TNS3: variants seen among roughly 807,000 people sequenced by gnomAD.
TNS3 encodes the protein tensin-3.
In TNS3, 45 loss-of-function variants were observed where a neutral mutation model predicts 140.9. The ratio of observed to expected loss-of-function variants is 0.32; its 90% confidence interval spans 0.25 to 0.41. TNS3 has a LOEUF of 0.41. Ranked by LOEUF, TNS3 falls within the 10% of genes least tolerant of loss-of-function variation. The pLI, the probability that TNS3 is intolerant of heterozygous loss-of-function variation, is 1.00. For synonymous variants in TNS3, 815 were observed against 788.4 expected, an observed-to-expected ratio of 1.03 and a Z score of -0.56; for missense variants, 1,716 against 1,906.7, an observed-to-expected ratio of 0.90 and a Z score of 1.86.
chr7:47,504,161 G>C, intron 3 of TNS3, among the ~76,000 whole-genome samples: 1 of 152,210 alleles, frequency 6.6e-6, no homozygotes, highest in East Asian at 1.9e-4. Flanking sequence ...TGGCCTGAGA[G>C]GACATACTGT....
intron 20 of TNS3, among the ~76,000 whole-genome samples, chr7:47,327,263 GGTTTTT>G (rs917305884): frequency 1.3e-5 from 2 of 152,214 alleles, no homozygotes; most frequent in Non-Finnish European, 2.9e-5. Flanking sequence ...TGAATGCATG[GGTTTTT>G]GTTTTTGTTT....
intron 27 of TNS3, among the ~76,000 whole-genome samples, chr7:47,291,729 C>T (rs1400927814): frequency 6.6e-6 from 1 of 152,176 alleles, no homozygotes; most frequent in Non-Finnish European, 1.5e-5. Context: ...ACATTTATTC[C>T]ACTGAATTTA....
chr7:47,449,485 T>C (rs1414291540), intron 4 of TNS3, among the ~76,000 whole-genome samples: 1 of 152,230 alleles, frequency 6.6e-6, no homozygotes, highest in Non-Finnish European at 1.5e-5. Context: ...CAGCTTTACC[T>C]GGTTAACTCC....
chr7:47,318,302 T>A (rs1352431130), intron 20 of TNS3, among the ~76,000 whole-genome samples: 3 of 152,246 alleles, frequency 2.0e-5, no homozygotes, highest in Non-Finnish European at 2.9e-5. Context: ...ACTGCATGCA[T>A]AGATCACATT....
At chr7:47,410,200 T>C (rs1278026505) in intron 13 of TNS3, among the ~76,000 whole-genome samples, 1 of 152,084 alleles carries the variant, frequency 6.6e-6, no homozygotes, top group Non-Finnish European at 1.5e-5. Context: ...GTCCTCCCTC[T>C]CACTTCCAGC....
At position 47,296,652 on chromosome 7, in the gene TNS3, C is replaced by T. The variant is rs548235651; in HGVS notation, c.3676+430G>A. 3.9e-5 allele frequency among the ~76,000 whole-genome samples: 6 copies of T among 152,212 alleles called. No individual in the cohort carries two copies. In the East Asian group the frequency reaches 1.2e-3, roughly 29 times the overall value. ...AAAAATGCCCTACTGGGTATAGATA[C>T]AAGAATAGTACTCAACAGTATGCTA... On this transcript the variant is annotated intron_variant, in intron 24 of 30. Transcript: ENST00000311160.
chr7:47,368,642 C>A lies in TNS3; in HGVS notation c.2004G>T (p.Arg668Ser), dbSNP rs1790852907. The change falls in exon 17 of 31, where the codon AGG becomes AGT. Residue 668 changes from arginine to serine, a missense_variant. Arg to Ser is a moderately radical substitution (Grantham distance 110). Coordinates refer to ENST00000311160, the MANE Select transcript of TNS3 (RefSeq NM_022748.12). Reference sequence around the variant, plus strand: ...CATTCACAACCTGGTCTCCTGGAAACCTGGGTTTGAACGCTTTGCTGGGAG... The same window carrying A: ...CATTCACAACCTGGTCTCCTGGAAAACTGGGTTTGAACGCTTTGCTGGGAG... Reference protein sequence around the residue: ...QPSPSKAFKPRFPGDQVVNGA... With the variant: ...QPSPSKAFKPSFPGDQVVNGA... 4 of 1,601,196 alleles carry A rather than the reference C, an allele frequency of 2.5e-6. No homozygotes were observed. The East Asian group carries it at 6.7e-5, about 27-fold the overall frequency.
intron 4 of TNS3, among the ~76,000 whole-genome samples, chr7:47,461,174 TG>T (rs1488758171): frequency 1.3e-5 from 2 of 152,202 alleles, no homozygotes; most frequent in Non-Finnish European, 2.9e-5. Context: ...CATTAAGTGT[TG>T]TATGTCAAGA....
chr7:47,467,533 G>C (rs1458456637), intron 4 of TNS3, among the ~76,000 whole-genome samples: 2 of 152,106 alleles, frequency 1.3e-5, no homozygotes, highest in African/African-American at 4.8e-5. Context: ...TGAGGACCAG[G>C]AGCCCATGAA....
At chr7:47,345,843 C>T (rs1168400251) in intron 18 of TNS3, among the ~76,000 whole-genome samples, 3 of 152,218 alleles carry the variant, frequency 2.0e-5, no homozygotes, top group African/African-American at 4.8e-5. Context: ...AGCCCTACCT[C>T]GAACCCACAC....
intron 17 of TNS3, among the ~76,000 whole-genome samples, chr7:47,358,369 C>A (rs1301175118): frequency 6.6e-6 from 1 of 152,172 alleles, no homozygotes; most frequent in Non-Finnish European, 1.5e-5. Flanking sequence ...GAACTCCTGA[C>A]CTCGTGATCC....
At chr7:47,498,334 G>T (rs1195312385) in intron 3 of TNS3, among the ~76,000 whole-genome samples, 1 of 152,222 alleles carries the variant, frequency 6.6e-6, no homozygotes, top group Non-Finnish European at 1.5e-5. Context: ...AGACAGGCCT[G>T]GCCTGAGCCA....
chr7:47,543,171 G>T (rs556134020), intron 1 of TNS3, among the ~76,000 whole-genome samples: 1 of 152,258 alleles, frequency 6.6e-6, no homozygotes, highest in South Asian at 2.1e-4. Context: ...CCTCCCTTTT[G>T]TCTCTTTCCC....
chr7:47,582,358 C>T, upstream of TNS3: 1 of 452,044 alleles, frequency 2.2e-6, no homozygotes, highest in Non-Finnish European at 4.4e-6. Context: ...AATTATCAGA[C>T]CCATTGAGCA....
At chr7:47,377,156 A>G (rs1791443135) in intron 16 of TNS3, among the ~76,000 whole-genome samples, 1 of 152,184 alleles carries the variant, frequency 6.6e-6, no homozygotes, top group Non-Finnish European at 1.5e-5. Context: ...TCAATTCACC[A>G]TATCCAAACA....
At chr7:47,301,821 T>C (rs1325509439) in intron 23 of TNS3, among the ~76,000 whole-genome samples, 1 of 152,122 alleles carries the variant, frequency 6.6e-6, no homozygotes, top group African/African-American at 2.4e-5. Flanking sequence ...CCCTGTCCTC[T>C]CTGGTTTCAT....
chr7:47,377,487 G>GAAAT (rs1791468171), intron 16 of TNS3, among the ~76,000 whole-genome samples: 1 of 152,196 alleles, frequency 6.6e-6, no homozygotes, highest in South Asian at 2.1e-4. Flanking sequence ...TTGGGCAATA[G>GAAAT]AAATATTTGC....
chr7:47,283,654 C>T (rs771241578), intron 28 of TNS3, 43 bp downstream of exon 28: 7 of 1,490,440 alleles, frequency 4.7e-6, no homozygotes, highest in Non-Finnish European at 6.3e-6. Context: ...ACGTGACAGC[C>T]CCGCCCCTGC....
At chr7:47,403,957 G>A (rs137930067) in intron 13 of TNS3, among the ~76,000 whole-genome samples, 32 of 152,296 alleles carry the variant, frequency 2.1e-4, no homozygotes, top group Admixed American at 1.8e-3. Flanking sequence ...CAAACATTTC[G>A]TAAAGATTAG....
Sources: gnomAD v4.1 joint callset for allele counts (sites outside exome capture counted in the v4.1 genomes callset) on GRCh38, gnomAD v4.1.1 for gene constraint, MANE v1.5 for transcripts, NCBI Gene and HGNC (gene_info 2026-07-23, HGNC 2026-07-21) for gene names.